The following HECW1 variants were observed in gnomAD, a reference collection of about 807,000 sequenced individuals.
The protein encoded by HECW1 is E3 ubiquitin-protein ligase HECW1.
HECW1 carries 61 observed loss-of-function variants against 182.3 expected under a neutral mutation model. That is an observed-to-expected ratio of 0.33 (90% CI 0.27 to 0.41). HECW1 has a LOEUF of 0.41. HECW1 is among the 10% of genes least tolerant of loss of function. The pLI is 1.00. For synonymous variants in HECW1, 859 were observed against 832.6 expected (o/e 1.03, Z -0.55); for missense variants, 1,739 against 2,108.9 (o/e 0.82, Z 3.44).
chr7:43,249,191 G>A (rs114555051), intron 3 of HECW1: 2 of 152,382 alleles, frequency 1.3e-5, no homozygotes, highest in Non-Finnish European at 2.9e-5. Flanking sequence ...ACCTGGGTGT[G>A]ACTCCGCCAC....
At chr7:43,342,712 G>C (rs1359161626) in intron 5 of HECW1, among the ~76,000 whole-genome samples, 2 of 151,686 alleles carry the variant, frequency 1.3e-5, no homozygotes, top group African/African-American at 4.9e-5. Flanking sequence ...GCAGATTTAA[G>C]TTCATTATTC....
chr7:43,493,987 G>A (rs867576002), intron 19 of HECW1, among the ~76,000 whole-genome samples: 65 of 152,082 alleles, frequency 4.3e-4, no homozygotes, highest in African/African-American at 1.4e-3. Flanking sequence ...TCCCATCAAC[G>A]GCTGCATTTC....
rs991870419 is a variant in HECW1 at position 43,541,194 on chromosome 7, G to T, written c.4051G>T (p.Ala1351Ser). The change falls in exon 25 of 30, where the codon GCT becomes TCT. Residue 1351 changes from alanine (A) to serine (S), a missense_variant. Physicochemically the swap from Ala to Ser is moderately conservative, Grantham distance 99. Transcript: ENST00000395891. ...GTTTAGCGGTCGCATCCTGGGTCTG[G>T]CTCTGATCCATCAGTACCTTCTTGA... ...FRFSGRILGL[A>S]LIHQYLLDAF... 1 of 1,614,154 alleles carries T rather than the reference G, an allele frequency of 6.2e-7. No individual in the cohort carries two copies. The highest frequency in any genetic ancestry group is 8.5e-7 in the Non-Finnish European group (1 of 1,180,004).
At chr7:43,214,832 G>A (rs1360769884) in intron 2 of HECW1, among the ~76,000 whole-genome samples, 3 of 152,210 alleles carry the variant, frequency 2.0e-5, no homozygotes, top group Non-Finnish European at 2.9e-5. Context: ...CCATGTGGGG[G>A]CATGTTCTGA....
At chr7:43,441,176 C>G (rs2076874493) in intron 9 of HECW1, among the ~76,000 whole-genome samples, 1 of 152,132 alleles carries the variant, frequency 6.6e-6, no homozygotes, top group East Asian at 1.9e-4. Flanking sequence ...AATATAATAG[C>G]AAAGTTTCAG....
rs77546540 is a variant in HECW1 at position 43,353,846 on chromosome 7, G to C, written c.461-7040G>C. On this transcript the variant is annotated intron_variant, in intron 5 of 29. Transcript: ENST00000395891. Reference sequence around the variant, plus strand: ...TGAGAGCAACCATAGACAAAGCAAGGAAGAAAGACCACCACCCCTGGAAAC... The same window carrying C: ...TGAGAGCAACCATAGACAAAGCAAGCAAGAAAGACCACCACCCCTGGAAAC... Among the ~76,000 whole-genome samples the C allele has an allele frequency of 7.3e-3, 1,112 of 152,208 alleles. 11 individuals are homozygous for C. The highest frequency in any genetic ancestry group is 0.025 in the African/African-American group (1,057 of 41,520).
chr7:43,429,339 T>C (rs1317194763), intron 8 of HECW1, among the ~76,000 whole-genome samples: 14 of 130,008 alleles, frequency 1.1e-4, no homozygotes, highest in African/African-American at 4.0e-4. Flanking sequence ...TATATATACA[T>C]ATATGCAGAT....
chr7:43,298,189 C>T (rs1806276993), intron 3 of HECW1, among the ~76,000 whole-genome samples: 1 of 152,208 alleles, frequency 6.6e-6, no homozygotes, highest in Admixed American at 6.5e-5. Flanking sequence ...GGAATATTCA[C>T]CCCACTCTCT....
intron 2 of HECW1, among the ~76,000 whole-genome samples, chr7:43,163,592 C>A (rs1414458147): frequency 6.6e-6 from 1 of 152,146 alleles, no homozygotes; most frequent in African/African-American, 2.4e-5. Flanking sequence ...CACCCTCATG[C>A]TCCTGGTCTT....
chr7:43,499,611 A>G (rs910592775), intron 19 of HECW1, among the ~76,000 whole-genome samples: 1 of 152,166 alleles, frequency 6.6e-6, no homozygotes, highest in Non-Finnish European at 1.5e-5. Flanking sequence ...AATTACCTCA[A>G]AGTGTAAAAA....
chr7:43,206,556 T>A (rs903985929), intron 2 of HECW1, among the ~76,000 whole-genome samples: 5 of 152,210 alleles, frequency 3.3e-5, no homozygotes, highest in Non-Finnish European at 7.3e-5. Flanking sequence ...TTAAGAGGCG[T>A]AATTAACTTT....
Position 43,360,967 on chromosome 7 carries a change from A to C in HECW1, c.542A>C (p.Asn181Thr). 6.2e-7 allele frequency: 1 copy of C among 1,608,352 alleles called. No individual in the cohort carries two copies. The highest frequency in any genetic ancestry group is 8.5e-7 in the Non-Finnish European group (1 of 1,177,096). The change falls in exon 6 of 30, where the codon AAC (asparagine) becomes ACC (threonine). Residue 181 changes from asparagine to threonine, a missense_variant. Coordinates refer to ENST00000395891, the MANE Select transcript of HECW1 (RefSeq NM_015052.5). ...ACCACCCCCAGTGTCACGGTCAAAA[A>C]CTCGGCAGCTCCTGTAAGTCTCATT... ...RATTPSVTVK[N>T]SAAPIFKSIG... is the part of the protein sequence containing the mutation.
At chr7:43,536,864 G>C (rs2081194995) in intron 24 of HECW1, among the ~76,000 whole-genome samples, 1 of 152,200 alleles carries the variant, frequency 6.6e-6, no homozygotes, top group Non-Finnish European at 1.5e-5. Context: ...AGGACAACAC[G>C]GAGGAGCCAC....
chr7:43,470,833 A>G (rs1322410147), intron 16 of HECW1, among the ~76,000 whole-genome samples: 1 of 152,236 alleles, frequency 6.6e-6, no homozygotes. Context: ...TCTAAGAGGC[A>G]TACCATGTAG....
chr7:43,258,302 C>T (rs1800802129), intron 3 of HECW1, among the ~76,000 whole-genome samples: 1 of 151,672 alleles, frequency 6.6e-6, no homozygotes, highest in Admixed American at 6.6e-5. Context: ...GAGATTGTAC[C>T]ACTGCACTTC....
chr7:43,127,753 GA>G (rs1414757530), intron 2 of HECW1, among the ~76,000 whole-genome samples: 1 of 152,148 alleles, frequency 6.6e-6, no homozygotes, highest in Non-Finnish European at 1.5e-5. Context: ...TAGGTTTAAG[GA>G]AAGACACTAT....
chr7:43,488,498 GAA>G (rs370855131), intron 17 of HECW1, among the ~76,000 whole-genome samples: 2 of 150,304 alleles, frequency 1.3e-5, no homozygotes, highest in Admixed American at 6.6e-5. Flanking sequence ...GAGAAAGAAA[GAA>G]AGAAAAGAAA....
intron 5 of HECW1, among the ~76,000 whole-genome samples, chr7:43,325,820 A>T (rs75333813): frequency 0.2 from 29,688 of 151,600 alleles, 3,905 homozygotes; most frequent in Non-Finnish European, 0.29. Flanking sequence ...TCGTGTGGAA[A>T]CCTGGCTGGA....
At chr7:43,557,994 A>G (rs1161764143) in intron 29 of HECW1, among the ~76,000 whole-genome samples, 1 of 152,264 alleles carries the variant, frequency 6.6e-6, no homozygotes, top group Non-Finnish European at 1.5e-5. Context: ...TGCAAAAGTC[A>G]TGACGTGGAA....
Sources: allele counts gnomAD v4.1 joint callset (sites outside exome capture counted in the v4.1 genomes callset), GRCh38; gene constraint gnomAD v4.1.1; transcripts MANE v1.5; gene names NCBI Gene and HGNC (gene_info 2026-07-23, HGNC 2026-07-21).